Variants in ZNF677 observed in about 807,000 individuals in gnomAD.
ZNF677 encodes hypothetical protein MGC48625.
A neutral mutation model predicts 8.1 loss-of-function variants in ZNF677; 5 were observed. The observed-to-expected ratio is 0.62, with a 90% CI of 0.32 to 1.29. ZNF677 has a LOEUF of 1.29. Among genes scored for constraint, ZNF677 ranks in the 50% most tolerant of loss-of-function variants. The pLI, the probability that ZNF677 is intolerant of heterozygous loss-of-function variation, is 0.05. For missense variants in ZNF677, 685 were observed against 685.9 expected (o/e 1.00, Z 0.01); for synonymous variants, 221 against 225.6 (o/e 0.98, Z 0.18).
At position 53,236,753 on chromosome 19, in the gene ZNF677, G is replaced by A. The variant is rs770146482; in HGVS notation, c.*219C>T. The A allele has an allele frequency of 2.5e-6, 1 of 403,688 alleles. No individual in the cohort carries two copies. The highest frequency in any genetic ancestry group is 4.4e-6 in the Non-Finnish European group (1 of 228,806). 25.0% of individuals were successfully genotyped at this position (403,688 alleles called of 1,614,324 possible). A position where few individuals can be genotyped will look rare whatever the true frequency, so the allele number is the denominator to read the frequency against. ...ATAATAGGGTAAATATTTTTATAAA[G>A]CTGTTCACATTCATTATATTTGTAA... On this transcript the variant is annotated 3_prime_UTR_variant, in exon 5 of 5. Coordinates refer to ENST00000598513, the MANE Select transcript of ZNF677 (RefSeq NM_182609.4).
At chr19:53,251,156 T>C (rs1022306950) in intron 3 of ZNF677, among the ~76,000 whole-genome samples, 9 of 152,202 alleles carry the variant, frequency 5.9e-5, no homozygotes, top group Admixed American at 6.5e-5. Context: ...CAGGTATTTG[T>C]GCACATTAAT....
intron 4 of ZNF677, chr19:53,242,134 G>A: frequency 2.5e-6 from 1 of 395,506 alleles, no homozygotes; most frequent in Non-Finnish European, 4.4e-6. Context: ...GTTTTTCCAT[G>A]TTAGTCAGGC....
Position 53,238,660 on chromosome 19 carries a change from CA to C in ZNF677, c.170-104del, listed in dbSNP as rs1025073302. The C allele has an allele frequency of 9.3e-5, 106 of 1,140,812 alleles. No individual in the cohort carries two copies. The African/African-American group carries it at 1.5e-3, about 16-fold the overall frequency. 70.7% of individuals were successfully genotyped at this position (1,140,812 alleles called of 1,614,324 possible). On this transcript the variant is annotated intron_variant, in intron 4 of 4. Coordinates refer to ENST00000598513, the MANE Select transcript of ZNF677 (RefSeq NM_182609.4). ...CAAGAAAGCTAAGATTTACAATGAA[CA>C]GAGTTATGAAGCTTCTCAACTGTCT...
In ZNF677 at chr19:53,238,198, TTA is replaced by T. The variant is rs749886926; in HGVS notation, c.527_528del (p.Ile176LysfsTer12). The T allele has an allele frequency of 2.5e-6, 4 of 1,613,792 alleles. No homozygotes were observed. The highest frequency in any genetic ancestry group is 2.2e-5 in the East Asian group (1 of 44,870). Reference protein sequence around the residue: ...IRNLLKLKNNIRYAGNKYVKC... With the variant: ...IRNLLKLKNNXRYAGNKYVKC... ...TTCACGTATTTGTTTCCGGCATACC[TTA>T]TGTTATTTTTCAGTTTTAACAAATT... On this transcript the variant is annotated frameshift_variant, in exon 5 of 5. Coordinates refer to ENST00000598513, the MANE Select transcript of ZNF677 (RefSeq NM_182609.4). LOFTEE classifies it low-confidence loss of function (END_TRUNC).
chr19:53,244,008 C>A, intron 3 of ZNF677, 111 bp from the exon 4 acceptor site: 1 of 929,516 alleles, frequency 1.1e-6, no homozygotes, highest in Non-Finnish European at 1.6e-6. Context: ...TTAATGCAAG[C>A]AACTTATATA....
At chr19:53,244,442 C>T (rs746921170) in intron 3 of ZNF677, among the ~76,000 whole-genome samples, 4 of 152,072 alleles carry the variant, frequency 2.6e-5, no homozygotes, top group African/African-American at 4.8e-5. Context: ...ACACCACCAC[C>T]TCTGTCTAGT....
chr19:53,242,517 G>A, intron 4 of ZNF677: 1 of 397,422 alleles, frequency 2.5e-6, no homozygotes. Flanking sequence ...TTACATTAAT[G>A]CTGAGTAACA....
rs760429806 is a variant in ZNF677, at chr19:53,237,198, G to A, written c.1529C>T (p.Thr510Ile). 16 of 1,612,674 alleles carry A rather than the reference G, an allele frequency of 9.9e-6. No homozygotes were observed. The Admixed American group carries it at 2.2e-4, about 22-fold the overall frequency. ...SNLTQHKKIH[T>I]GEKPYKCTEC... ...AGTACATTTGTAAGGTTTCTCTCCA[G>A]TATGGATTTTCTTATGCTGAGTAAG... Residue 510 changes from threonine to isoleucine, a missense_variant, in exon 5 of 5, where the codon ACT becomes ATT. Transcript: ENST00000598513.
At chr19:53,244,089 C>T in intron 3 of ZNF677, 192 bp from the exon 4 acceptor site, 1 of 565,326 alleles carries the variant, frequency 1.8e-6, no homozygotes, top group East Asian at 3.2e-5. Context: ...AGGCTGGGTG[C>T]AGTGGCTCAC....
chr19:53,243,875 A>T lies in ZNF677; in HGVS notation c.38T>A (p.Val13Glu). The change falls in exon 4 of 5, where the codon GTG (valine) becomes GAG (glutamate). Residue 13 changes from valine (V) to glutamate (E), a missense_variant. Val to Glu is a moderately radical substitution (Grantham distance 121). Transcript: ENST00000598513. The stretch of plus-strand genomic sequence containing the variant: ...CTCCTCTTGAGAGAATTCTATGGCC[A>T]CATCCTTGAATGTAAACAGTCCCTG... ...LSQGLFTFKD[V>E]AIEFSQEEWE... The T allele has an allele frequency of 6.2e-7, 1 of 1,605,792 alleles. No individual in the cohort carries two copies. Among genetic ancestry groups the T allele is most frequent in the Non-Finnish European group, 8.5e-7 (1 of 1,177,216 alleles).
chr19:53,244,449 T>G (rs1599920427), intron 3 of ZNF677, among the ~76,000 whole-genome samples: 1 of 152,326 alleles, frequency 6.6e-6, no homozygotes, highest in East Asian at 1.9e-4. Context: ...CACCTCTGTC[T>G]AGTTCAAAAA....
chr19:53,236,962 GC>G lies in ZNF677; in HGVS notation c.*9del. ...TTATATGGTTTCTTTTCACAATGGA[GC>G]CCCTGATGCTAGGTACAGCTTGAAT... is the stretch of plus-strand genomic sequence containing the variant. On this transcript the variant is annotated 3_prime_UTR_variant, in exon 5 of 5. Coordinates refer to ENST00000598513, the MANE Select transcript of ZNF677 (RefSeq NM_182609.4). 1 of 1,525,806 alleles carries G rather than the reference GC, an allele frequency of 6.6e-7. No individual in the cohort carries two copies. Among genetic ancestry groups the G allele is most frequent in the Non-Finnish European group, 8.7e-7 (1 of 1,144,134 alleles). The allele number at this position is 1,525,806 out of a possible 1,614,324, so 94.5% of individuals were successfully genotyped here. A position where few individuals can be genotyped will look rare whatever the true frequency, so the allele number is the denominator to read the frequency against.
intron 3 of ZNF677, among the ~76,000 whole-genome samples, chr19:53,250,472 A>C (rs957840793): frequency 6.6e-6 from 1 of 152,232 alleles, no homozygotes; most frequent in African/African-American, 2.4e-5. Flanking sequence ...TGTGGTACAC[A>C]TACACCACGG....
At position 53,238,450 on chromosome 19, in the gene ZNF677, T is replaced by C. The variant is rs1235596969; in HGVS notation, c.277A>G (p.Asn93Asp). ...TCCCAGACTTCCTTGAGGTCAAAAT[T>C]GTTGATGCCATGGCTTTCCTTTCTT... Reference protein sequence around the residue: ...LERKESHGINNFDLKEVWENM... With the variant: ...LERKESHGINDFDLKEVWENM... Residue 93 changes from asparagine to aspartate, a missense_variant, in exon 5 of 5, where the codon AAT becomes GAT. Transcript: ENST00000598513. 1 of 1,613,650 alleles carries C rather than the reference T, an allele frequency of 6.2e-7. No individual in the cohort carries two copies. The highest frequency in any genetic ancestry group is 1.7e-5 in the Admixed American group (1 of 59,992).
intron 3 of ZNF677, among the ~76,000 whole-genome samples, chr19:53,247,924 C>G (rs940090849): frequency 6.6e-6 from 1 of 152,032 alleles, no homozygotes; most frequent in Non-Finnish European, 1.5e-5. Context: ...AAAATTATTC[C>G]TCCAATAAGT....
Position 53,237,719 on chromosome 19 carries a change from A to T in ZNF677, c.1008T>A (p.Ser336Arg). The T allele has an allele frequency of 3.1e-6, 5 of 1,613,748 alleles. No individual in the cohort carries two copies. The highest frequency in any genetic ancestry group is 4.2e-6 in the Non-Finnish European group (5 of 1,179,846). Residue 336 changes from serine to arginine, a missense_variant, in exon 5 of 5, where the codon AGT becomes AGA. Transcript: ENST00000598513. The stretch of plus-strand genomic sequence containing the variant: ...TCTCTCCAGTATGCATCCTCTGATG[A>T]CTTGCAAGATTTGAATTTTGACTAC... ...KVCSQNSNLA[S>R]HQRMHTGEKP...
Position 53,235,456 on chromosome 19 carries a change from T to C in ZNF677, c.*1516A>G, listed in dbSNP as rs1051569465. On this transcript the variant is annotated 3_prime_UTR_variant, in exon 5 of 5. Coordinates refer to ENST00000598513, the MANE Select transcript of ZNF677 (RefSeq NM_182609.4). ...ATAATATATTCTAAATAAAATGGTATCAAATGCAATCTCAGGGGCCAAATG... is the reference window on the plus strand; with the variant it reads ...ATAATATATTCTAAATAAAATGGTACCAAATGCAATCTCAGGGGCCAAATG... 2 of 152,176 alleles carry C rather than the reference T, an allele frequency of 1.3e-5. No homozygotes were observed. The highest frequency in any genetic ancestry group is 4.8e-5 in the African/African-American group (2 of 41,432). The allele number at this position is 152,176 out of a possible 1,614,324, so 9.4% of individuals were successfully genotyped here.
intron 1 of ZNF677, among the ~76,000 whole-genome samples, chr19:53,253,572 A>T (rs1159909220): frequency 1.3e-5 from 2 of 152,194 alleles, no homozygotes; most frequent in African/African-American, 2.4e-5. Flanking sequence ...CTTTAATCCC[A>T]GCCACTCGGG....
At chr19:53,248,933 T>C (rs1381567248) in intron 3 of ZNF677, among the ~76,000 whole-genome samples, 1 of 152,220 alleles carries the variant, frequency 6.6e-6, no homozygotes, top group Non-Finnish European at 1.5e-5. Flanking sequence ...TAAGCATACA[T>C]ACATATGCTT....
Sources: allele counts gnomAD v4.1 joint callset (sites outside exome capture counted in the v4.1 genomes callset), GRCh38; gene constraint gnomAD v4.1.1; transcripts MANE v1.5; gene names NCBI Gene and HGNC (gene_info 2026-07-23, HGNC 2026-07-21).